PLPPR4: variants seen among roughly 807,000 people sequenced by gnomAD.
PLPPR4 encodes the protein phospholipid phosphatase-related protein type 4.
In PLPPR4, 24 loss-of-function variants were observed where a neutral mutation model predicts 56.6. The observed-to-expected ratio is 0.42, with a 90% CI of 0.31 to 0.60. The LOEUF (loss-of-function observed/expected upper bound fraction) is 0.60, where lower values mean the gene tolerates loss of function less well. Among genes scored for constraint, PLPPR4 ranks in the 20% least tolerant of loss-of-function variants. PLPPR4 has a pLI of 0.13. For missense variants in PLPPR4, 654 were observed against 885.8 expected (o/e 0.74, Z 3.32); for synonymous variants, 326 against 328.1 (o/e 0.99, Z 0.07).
intron 2 of PLPPR4, among the ~76,000 whole-genome samples, chr1:99,295,564 C>G (rs1215522340): frequency 6.6e-6 from 1 of 152,186 alleles, no homozygotes; most frequent in Non-Finnish European, 1.5e-5. Flanking sequence ...ATTGTACTTT[C>G]CTCAGCTCCA....
intron 1 of PLPPR4, among the ~76,000 whole-genome samples, chr1:99,265,989 T>C (rs983810845): frequency 2.6e-5 from 4 of 152,204 alleles, no homozygotes; most frequent in Admixed American, 6.5e-5. Context: ...AAAAAATCTA[T>C]GTATTTAAAA....
intron 6 of PLPPR4, among the ~76,000 whole-genome samples, chr1:99,302,731 T>C (rs1659916492): frequency 7.0e-6 from 1 of 143,592 alleles, no homozygotes; most frequent in Non-Finnish European, 1.5e-5. Context: ...GTTCTCATTG[T>C]TCAATTCCCA....
intron 3 of PLPPR4, 78 bp downstream of exon 3, chr1:99,296,945 G>A (rs1659757645): frequency 7.8e-7 from 1 of 1,281,318 alleles, no homozygotes; most frequent in Non-Finnish European, 1.0e-6. Flanking sequence ...TAGATATTAA[G>A]TCTCGTACGC....
Position 99,306,581 on chromosome 1 carries a change from G to A in PLPPR4, c.1719G>A (p.Val573=). ...TLTDHEPSGI[V]RVEAHPENNR... ...CAGACCATGAGCCCAGTGGGATAGT[G>A]AGGGTTGAGGCTCACCCAGAGAACA... The change falls in exon 7 of 7, where the codon GTG becomes GTA. Residue 573 remains valine, a synonymous_variant. Coordinates refer to ENST00000370185, the MANE Select transcript of PLPPR4 (RefSeq NM_014839.5). This position sits in a 1 kb window ranked among gnomAD's most constrained non-coding sequence, Gnocchi z 4.0. 6.2e-7 allele frequency: 1 copy of A among 1,614,126 alleles called. No individual in the cohort carries two copies. The highest frequency in any genetic ancestry group is 8.5e-7 in the Non-Finnish European group (1 of 1,180,020).
At chr1:99,304,845 CA>C (rs528785086) in intron 6 of PLPPR4, among the ~76,000 whole-genome samples, 220 of 152,198 alleles carry the variant, frequency 1.4e-3, no homozygotes, top group Middle Eastern at 0.01. Flanking sequence ...CCAAGTATCT[CA>C]AAAACTGAAA....
intron 2 of PLPPR4, among the ~76,000 whole-genome samples, chr1:99,291,804 A>C (rs1222572635): frequency 6.6e-6 from 1 of 152,084 alleles, no homozygotes; most frequent in Non-Finnish European, 1.5e-5. Context: ...GAAGAGGATC[A>C]GAAGAAGTAA....
intron 1 of PLPPR4, among the ~76,000 whole-genome samples, chr1:99,265,207 T>C (rs1029016502): frequency 1.4e-5 from 2 of 145,420 alleles, no homozygotes; most frequent in African/African-American, 2.5e-5. Flanking sequence ...CTTCTGAAAT[T>C]GGATCTGCAT....
intron 6 of PLPPR4, 135 bp downstream of exon 6, chr1:99,302,032 G>C: frequency 1.9e-6 from 1 of 516,200 alleles, no homozygotes; most frequent in Non-Finnish European, 3.3e-6. Context: ...TCCATTCTAT[G>C]CCAAAACACA....
chr1:99,302,763 T>C (rs1276806151), intron 6 of PLPPR4, among the ~76,000 whole-genome samples: 7 of 147,114 alleles, frequency 4.8e-5, no homozygotes, highest in Admixed American at 1.4e-4. Context: ...GAACATGCGG[T>C]GTTTGGTTTT....
chr1:99,298,376 T>C (rs143253987), intron 3 of PLPPR4, among the ~76,000 whole-genome samples: 1 of 152,276 alleles, frequency 6.6e-6, no homozygotes, highest in East Asian at 1.9e-4. Context: ...TGCAAGGATT[T>C]TTTTATTTCA....
At chr1:99,264,774 C>T in intron 1 of PLPPR4, 103 bp downstream of exon 1, 6 of 1,289,554 alleles carry the variant, frequency 4.7e-6, no homozygotes, top group African/African-American at 1.5e-5. Flanking sequence ...CTGCCGGGCG[C>T]GCGCGGCTGT....
chr1:99,264,088 G>A (rs2100778111), upstream of PLPPR4: 1 of 238,664 alleles, frequency 4.2e-6, no homozygotes, highest in South Asian at 1.5e-4. Context: ...CTGGAGCAGG[G>A]CTTCTGATCC....
chr1:99,300,815 T>C, intron 4 of PLPPR4, 94 bp from the exon 5 acceptor site: 1 of 937,134 alleles, frequency 1.1e-6, no homozygotes, highest in Non-Finnish European at 1.7e-6. Context: ...TTGTGACTTT[T>C]AAGTTGAACA....
intron 4 of PLPPR4, 91 bp from the exon 5 acceptor site, chr1:99,300,818 G>A (rs1412061391): frequency 9.3e-6 from 9 of 965,234 alleles, no homozygotes; most frequent in Non-Finnish European, 1.5e-5. Flanking sequence ...TGACTTTTAA[G>A]TTGAACATTT....
intron 1 of PLPPR4, among the ~76,000 whole-genome samples, chr1:99,286,891 A>G (rs922867252): frequency 6.6e-6 from 1 of 152,190 alleles, no homozygotes; most frequent in Non-Finnish European, 1.5e-5. Flanking sequence ...GATCTGAAAT[A>G]CTTTGTTGTT....
In PLPPR4 at chr1:99,288,031, G is replaced by T. The variant is rs1659514514; in HGVS notation, c.145G>T (p.Val49Leu). ...CGAACTCACAGATGTCTTCAAACCTGTGCACTCTGGATTTAGCTGCTATGA... is the reference window on the plus strand; with the variant it reads ...CGAACTCACAGATGTCTTCAAACCTTTGCACTCTGGATTTAGCTGCTATGA... ...FLELTDVFKP[V>L]HSGFSCYDRS... The change falls in exon 2 of 7, where the codon GTG becomes TTG. Residue 49 changes from valine to leucine, a missense_variant. Physicochemically the swap from Val to Leu is conservative, Grantham distance 32. Coordinates refer to ENST00000370185, the MANE Select transcript of PLPPR4 (RefSeq NM_014839.5). 1 of 1,613,716 alleles carries T rather than the reference G, an allele frequency of 6.2e-7. No individual in the cohort carries two copies. Among genetic ancestry groups the T allele is most frequent in the South Asian group, 1.1e-5 (1 of 91,062 alleles).
chr1:99,298,371 G>A (rs1387948960), intron 3 of PLPPR4, among the ~76,000 whole-genome samples: 8 of 152,108 alleles, frequency 5.3e-5, no homozygotes, highest in Non-Finnish European at 1.2e-4. Context: ...ACAAGTGCAA[G>A]GATTTTTTTA....
At chr1:99,305,089 C>T (rs751659874) in intron 6 of PLPPR4, among the ~76,000 whole-genome samples, 8 of 152,084 alleles carry the variant, frequency 5.3e-5, no homozygotes, top group Non-Finnish European at 1.0e-4. Flanking sequence ...AATCTAGGTG[C>T]CCCAATCTGG....
chr1:99,306,372 T>C lies in PLPPR4; in HGVS notation c.1510T>C (p.Ser504Pro). The change falls in exon 7 of 7, where the codon TCT (serine) becomes CCT (proline). Residue 504 changes from serine (S) to proline (P), a missense_variant. By Grantham distance (74) the Ser-to-Pro change is moderately conservative (BLOSUM62 -1). This residue lies in a region of PLPPR4 where 468 missense variants were observed against 554.3 expected (regional missense o/e 0.84). Coordinates refer to ENST00000370185, the MANE Select transcript of PLPPR4 (RefSeq NM_014839.5). This position sits in a 1 kb window ranked among gnomAD's most constrained non-coding sequence, Gnocchi z 4.0. ...CATAAGCACCTCCCCCAAAAGCAGC[T>C]CTGCTCGGGCCAAGTGGTTAAAAGC... Reference protein sequence around the residue: ...ENISTSPKSSSARAKWLKAAE... With the variant: ...ENISTSPKSSPARAKWLKAAE... 6.2e-7 allele frequency: 1 copy of C among 1,614,094 alleles called. No individual in the cohort carries two copies. The highest frequency in any genetic ancestry group is 1.1e-5 in the South Asian group (1 of 91,080).
Sources: allele counts gnomAD v4.1 joint callset (sites outside exome capture counted in the v4.1 genomes callset), GRCh38; gene constraint gnomAD v4.1.1; regional missense constraint gnomAD v4.1.1; non-coding constraint Gnocchi (gnomAD v3.1); transcripts MANE v1.5; gene names NCBI Gene and HGNC (gene_info 2026-07-23, HGNC 2026-07-21).